NDUFA10: variants seen among roughly 807,000 people sequenced by gnomAD.
NDUFA10 encodes NADH:ubiquinone oxidoreductase subunit A10.
A neutral mutation model predicts 47.8 loss-of-function variants in NDUFA10; 40 were observed. The ratio of observed to expected loss-of-function variants is 0.84; its 90% confidence interval spans 0.65 to 1.09. The LOEUF is 1.09. NDUFA10 is among the 50% of genes least tolerant of loss of function. NDUFA10 has a pLI of 0.00. For synonymous variants in NDUFA10, 183 were observed against 172.2 expected (o/e 1.06, Z -0.49); for missense variants, 413 against 451.1 (o/e 0.92, Z 0.76).
At chr2:240,018,880 C>T (rs755656586) in intron 3 of NDUFA10, among the ~76,000 whole-genome samples, 1 of 152,090 alleles carries the variant, frequency 6.6e-6, no homozygotes, top group Non-Finnish European at 1.5e-5. Context: ...AGAAAGCATC[C>T]GGTTAATACA....
intron 9 of NDUFA10, among the ~76,000 whole-genome samples, chr2:239,981,554 A>G (rs1211319161): frequency 1.3e-5 from 2 of 152,224 alleles, no homozygotes; most frequent in African/African-American, 4.8e-5. Context: ...TAAAGTCAGA[A>G]AAATCAGGAA....
intron 4 of NDUFA10, among the ~76,000 whole-genome samples, chr2:239,903,006 C>A (rs1342853852): frequency 6.6e-6 from 1 of 152,180 alleles, no homozygotes; most frequent in Non-Finnish European, 1.5e-5. Flanking sequence ...AGGTCAGACA[C>A]GTGCCTGTTT....
chr2:239,893,668 G>A (rs1023214588), intron 5 of NDUFA10, among the ~76,000 whole-genome samples: 2 of 152,120 alleles, frequency 1.3e-5, no homozygotes, highest in Admixed American at 1.3e-4. Context: ...CATTCATGAG[G>A]ACCTGATCAC....
chr2:239,962,333 G>A (rs1694888529), intron 9 of NDUFA10, among the ~76,000 whole-genome samples: 1 of 152,062 alleles, frequency 6.6e-6, no homozygotes, highest in South Asian at 2.1e-4. Flanking sequence ...GGCATTCACA[G>A]CCATCCACAC....
intron 4 of NDUFA10, among the ~76,000 whole-genome samples, chr2:239,895,836 G>T (rs10211331): frequency 6.6e-6 from 1 of 152,160 alleles, no homozygotes; most frequent in South Asian, 2.1e-4. Flanking sequence ...GATACTGGCC[G>T]TGCTACTGCC....
rs1694816634 is a variant in NDUFA10, at chr2:239,960,689, C to T, written c.*429G>A. ...CAGGGCCCAGAGCAGCGTGTGTGCA[C>T]GTGTGCAGTTTCGACGTGCCCGCAC... On this transcript the variant is annotated 3_prime_UTR_variant, in exon 10 of 10. Transcript: ENST00000252711. The T allele has an allele frequency of 4.3e-6, 5 of 1,155,558 alleles. No homozygotes were observed. The highest frequency in any genetic ancestry group is 1.9e-5 in the South Asian group (1 of 53,266). 71.6% of individuals were successfully genotyped at this position (1,155,558 alleles called of 1,614,324 possible). A position where few individuals can be genotyped will look rare whatever the true frequency, so the allele number is the denominator to read the frequency against.
intron 4 of NDUFA10, among the ~76,000 whole-genome samples, chr2:239,912,537 T>C (rs949580304): frequency 3.3e-5 from 5 of 152,134 alleles, no homozygotes; most frequent in African/African-American, 4.8e-5. Context: ...ATGCCCTTGA[T>C]GCAATTAACT....
chr2:239,915,040 AAC>A (rs1384795609), intron 4 of NDUFA10, among the ~76,000 whole-genome samples: 1 of 127,906 alleles, frequency 7.8e-6, no homozygotes, highest in Non-Finnish European at 1.7e-5. Context: ...ACACACACAG[AAC>A]ACACACATAC....
intron 4 of NDUFA10, among the ~76,000 whole-genome samples, chr2:239,917,747 T>C (rs998179319): frequency 6.6e-6 from 1 of 152,230 alleles, no homozygotes; most frequent in Admixed American, 6.5e-5. Context: ...TCATGTGCTG[T>C]CTTTGTTCCA....
intron 4 of NDUFA10, among the ~76,000 whole-genome samples, chr2:239,924,356 G>A (rs1446376438): frequency 1.3e-5 from 2 of 151,976 alleles, no homozygotes. Flanking sequence ...CCACAATCAA[G>A]TGGGTTTTAT....
rs1041474167 is a variant in NDUFA10, at chr2:239,928,333, T to C, written c.295-33019A>G. Among the ~76,000 whole-genome samples the C allele has an allele frequency of 3.3e-5, 5 of 152,080 alleles. No homozygotes were observed. The highest frequency in any genetic ancestry group is 1.2e-4 in the African/African-American group (5 of 41,412). Reference sequence around the variant, plus strand: ...AGGAGCACATGAATTCCATGAATCATGACTAAAGAAAAGAAGGCAAAAGAC... The same window carrying C: ...AGGAGCACATGAATTCCATGAATCACGACTAAAGAAAAGAAGGCAAAAGAC... On this transcript the variant is annotated intron_variant, in intron 4 of 5. Transcript: ENST00000419408. The surrounding 1 kb of genome is among the most constrained non-coding windows in gnomAD (Gnocchi z 4.3).
At chr2:239,988,881 CAAGGACAGA>C (rs1049107041) in intron 9 of NDUFA10, among the ~76,000 whole-genome samples, 2 of 151,384 alleles carry the variant, frequency 1.3e-5, no homozygotes, top group Admixed American at 1.3e-4. Context: ...CACACGTGTA[CAAGGACAGA>C]AAGGGAGACA....
chr2:239,919,295 C>G (rs943762601), intron 4 of NDUFA10, among the ~76,000 whole-genome samples: 1 of 152,162 alleles, frequency 6.6e-6, no homozygotes, highest in African/African-American at 2.4e-5. Flanking sequence ...TCTCATGCCC[C>G]CTTTGCACTG....
intron 4 of NDUFA10, among the ~76,000 whole-genome samples, chr2:239,907,939 C>T (rs375647818): frequency 6.6e-6 from 1 of 152,178 alleles, no homozygotes; most frequent in African/African-American, 2.4e-5. Context: ...TATAAAGACA[C>T]ATGCACATGT....
chr2:240,017,984 C>CCT (rs1391207877), intron 4 of NDUFA10: 19 of 1,207,726 alleles, frequency 1.6e-5, no homozygotes, highest in Non-Finnish European at 2.0e-5. Context: ...TAGTCACAGA[C>CCT]ACCCCAACCC....
chr2:240,021,496 G>A, intron 2 of NDUFA10, 84 bp from the exon 3 acceptor site: 3 of 1,248,250 alleles, frequency 2.4e-6, no homozygotes, highest in Non-Finnish European at 2.3e-6. Context: ...AAAACACACA[G>A]CCCGCCCGAA....
At chr2:239,904,371 C>G (rs922324917) in intron 4 of NDUFA10, among the ~76,000 whole-genome samples, 11 of 152,168 alleles carry the variant, frequency 7.2e-5, no homozygotes, top group African/African-American at 2.4e-4. Context: ...GATTCTGGCT[C>G]ACTGCAACCT....
chr2:240,018,022 T>C lies in NDUFA10; in HGVS notation c.547+531A>G. On this transcript the variant is annotated intron_variant, in intron 4 of 9. Coordinates refer to ENST00000252711, the MANE Select transcript of NDUFA10 (RefSeq NM_004544.4). ...CCCTGACTCCTCAAGGTCAGCCTGC[T>C]TCAAACCAGGGGGTCTTTGTTCCTT... The C allele has an allele frequency of 2.4e-6, 2 of 831,280 alleles. 1 individual carries two copies. The highest frequency in any genetic ancestry group is 3.1e-5 in the South Asian group (2 of 65,444). 51.5% of individuals were successfully genotyped at this position (831,280 alleles called of 1,614,324 possible).
intron 6 of NDUFA10, among the ~76,000 whole-genome samples, chr2:240,008,949 G>A (rs1459490372): frequency 1.3e-5 from 2 of 152,204 alleles, no homozygotes; most frequent in African/African-American, 4.8e-5. Flanking sequence ...CCACTGCCTT[G>A]TGAAAGGAGG....
Sources: allele counts gnomAD v4.1 joint callset (sites outside exome capture counted in the v4.1 genomes callset), GRCh38; gene constraint gnomAD v4.1.1; non-coding constraint Gnocchi (gnomAD v3.1); transcripts MANE v1.5; gene names NCBI Gene and HGNC (gene_info 2026-07-23, HGNC 2026-07-21).